The following CELA3B variants were observed in gnomAD, a reference collection of about 807,000 sequenced individuals.
The protein encoded by CELA3B is chymotrypsin like elastase 3B, also known as chymotrypsin-like elastase family member 3B.
CELA3B carries 34 observed loss-of-function variants against 37.2 expected under a neutral mutation model. The ratio of observed to expected loss-of-function variants is 0.91; its 90% CI spans 0.70 to 1.22. The LOEUF is 1.22. Ranked by LOEUF, CELA3B falls within the 50% of genes most tolerant of loss-of-function variation. CELA3B has a pLI of 0.00. For synonymous variants in CELA3B, 127 were observed against 143.5 expected (o/e 0.89, Z 0.82); for missense variants, 340 against 363.1 (o/e 0.94, Z 0.52).
At chr1:21,997,078 C>T (rs1644893512) in intron 4 of CELA3B, among the ~76,000 whole-genome samples, 3 of 151,148 alleles carry the variant, frequency 2.0e-5, no homozygotes, top group South Asian at 2.1e-4. Flanking sequence ...GTTAAAGTCC[C>T]GCCGGGCGTG....
At chr1:21,983,584 G>A (rs1557865603) in intron 4 of CELA3B, 110 bp from the exon 5 acceptor site, 4 of 1,473,424 alleles carry the variant, frequency 2.7e-6, no homozygotes, top group South Asian at 2.6e-5. Flanking sequence ...GGATTTGGAG[G>A]GTGAAGGAGC....
intron 7 of CELA3B, among the ~76,000 whole-genome samples, chr1:21,988,641 C>T (rs1644853989): frequency 6.8e-6 from 1 of 147,990 alleles, no homozygotes; most frequent in Non-Finnish European, 1.5e-5. Flanking sequence ...CCTGTAATCC[C>T]ACCACTTTGG....
chr1:21,981,152 C>T lies in CELA3B; in HGVS notation c.342C>T (p.Asn114=), dbSNP rs933056167. 6 of 1,612,156 alleles carry T rather than the reference C, an allele frequency of 3.7e-6. No homozygotes were observed. The highest frequency in any genetic ancestry group is 4.3e-4 in the Middle Eastern group (2 of 4,604). The change falls in exon 4 of 8, where the codon AAC becomes AAT. Residue 114 remains asparagine (N), a synonymous_variant. Transcript: ENST00000337107. ...ACCTCTTTGTGCATCCACTCTGGAA[C>T]CGCTCGTGTGTGGCCTGTGGGTGAG... ...SGDLFVHPLW[N]RSCVACGNDI...
Position 21,984,105 on chromosome 1 carries a change from CTG to C in CELA3B, c.500-81_500-80del, listed in dbSNP as rs1199333623. 2.0e-6 allele frequency: 3 copies of C among 1,500,610 alleles called. No homozygotes were observed. In the African/African-American group the frequency reaches 4.1e-5, roughly 21 times the overall value. The allele number at this position is 1,500,610 out of a possible 1,614,324, so 93.0% of individuals were successfully genotyped here. On this transcript the variant is annotated intron_variant, in intron 5 of 7. Transcript: ENST00000337107. Reference sequence around the variant, plus strand: ...GAGAGTCCTCATCAGAGCAGAAGAACTGTGCGCCTTGGATGCCCCCTTCCTCT... The same window carrying C: ...GAGAGTCCTCATCAGAGCAGAAGAACTGCGCCTTGGATGCCCCCTTCCTCT...
At position 21,983,790 on chromosome 1, in the gene CELA3B, C is replaced by G; in HGVS notation, c.459C>G (p.Asn153Lys). 1 of 1,614,144 alleles carries G rather than the reference C, an allele frequency of 6.2e-7. No homozygotes were observed. Among genetic ancestry groups the G allele is most frequent in the East Asian group, 2.2e-5 (1 of 44,880 alleles). Residue 153 changes from asparagine to lysine, a missense_variant, in exon 5 of 8, where the codon AAC (asparagine) becomes AAG (lysine). Physicochemically the swap from Asn to Lys is moderately conservative, Grantham distance 94 (BLOSUM62 0). Transcript: ENST00000337107. ...CTCCGGCTGGTGACATCCTTCCCAA[C>G]GAGACACCCTGCTACATCACCGGCT... The part of the protein sequence containing the change: ...SLPPAGDILP[N>K]ETPCYITGWG...
At chr1:21,979,734 G>A (rs1172454337) in intron 2 of CELA3B, among the ~76,000 whole-genome samples, 12 of 151,260 alleles carry the variant, frequency 7.9e-5, no homozygotes, top group Non-Finnish European at 1.0e-4. Context: ...GATTATAGGC[G>A]TGAGCCACCA....
intron 5 of CELA3B, 110 bp downstream of exon 5, chr1:21,983,940 T>C: frequency 7.3e-7 from 1 of 1,378,624 alleles, no homozygotes; most frequent in Non-Finnish European, 9.9e-7. Flanking sequence ...TTTCTCCCAT[T>C]TCTCTCCAGC....
At chr1:21,989,505 G>A (rs1407054231), downstream of CELA3B, among the ~76,000 whole-genome samples, 8 of 142,084 alleles carry the variant, frequency 5.6e-5, no homozygotes, top group African/African-American at 1.4e-4. Flanking sequence ...GTTGCTGTGC[G>A]GTGACCTGAC....
intron 1 of CELA3B, chr1:21,978,015 T>C (rs1201091709): frequency 3.0e-6 from 1 of 337,678 alleles, no homozygotes; most frequent in Non-Finnish European, 5.7e-6. Context: ...AGCCCAGAGC[T>C]GCACTTTGAA....
intron 7 of CELA3B, among the ~76,000 whole-genome samples, chr1:21,988,933 A>C (rs1644856398): frequency 2.3e-5 from 1 of 44,160 alleles, no homozygotes; most frequent in Non-Finnish European, 3.5e-5. Context: ...GTTTATATAC[A>C]TACATACATA....
intron 3 of CELA3B, 37 bp from the exon 4 acceptor site, chr1:21,981,001 C>A: frequency 6.2e-7 from 1 of 1,614,074 alleles, no homozygotes; most frequent in Non-Finnish European, 8.5e-7. Flanking sequence ...AGGGAGGTAG[C>A]CAGTCAGGCC....
intron 7 of CELA3B, chr1:21,987,812 A>T (rs1454075464): frequency 6.6e-6 from 1 of 151,184 alleles, no homozygotes; most frequent in African/African-American, 2.5e-5. Flanking sequence ...AAAATAAAAC[A>T]GTAGTGCTTG....
In CELA3B at chr1:21,980,867, G is replaced by A; in HGVS notation, c.173G>A (p.Cys58Tyr). Residue 58 changes from cysteine to tyrosine, a missense_variant, in exon 3 of 8, where the codon TGT (cysteine) becomes TAT (tyrosine). By Grantham distance (194) the Cys-to-Tyr change is radical (BLOSUM62 -2). Transcript: ENST00000337107. ...AAAAGCGGAAGCTTCTACCACACCT[G>A]TGGCGGTAGCCTCATCGCCCCCGAC... ...YEKSGSFYHT[C>Y]GGSLIAPDWV... 1 of 1,610,734 alleles carries A rather than the reference G, an allele frequency of 6.2e-7. No homozygotes were observed. Among genetic ancestry groups the A allele is most frequent in the Non-Finnish European group, 8.5e-7 (1 of 1,178,352 alleles).
intron 7 of CELA3B, chr1:21,987,617 G>A (rs1167968396): frequency 6.6e-6 from 1 of 151,452 alleles, no homozygotes; most frequent in African/African-American, 2.5e-5. Context: ...TCCATGTGGT[G>A]ACCTCCTGGG....
At chr1:21,978,705 C>T (rs1644786215) in intron 2 of CELA3B, among the ~76,000 whole-genome samples, 1 of 152,110 alleles carries the variant, frequency 6.6e-6, no homozygotes, top group Non-Finnish European at 1.5e-5. Flanking sequence ...GGAGTTGGCA[C>T]ACTGATGGTG....
chr1:21,989,057 C>T (rs928180440), intron 7 of CELA3B, among the ~76,000 whole-genome samples: 6 of 151,830 alleles, frequency 4.0e-5, no homozygotes, highest in Non-Finnish European at 5.9e-5. Context: ...TAGAGAGAAC[C>T]TTAGTTAACA....
Position 21,984,168 on chromosome 1 carries a change from CGG to C in CELA3B, c.500-20_500-19del. 6.2e-7 allele frequency: 1 copy of C among 1,609,144 alleles called. No individual in the cohort carries two copies. Reference sequence around the variant, plus strand: ...GCCCTGTGCCCCCAGACCCCTGACTCGGTGCTTTTTATCGCTGCAGCCAACGG... The same window carrying C: ...GCCCTGTGCCCCCAGACCCCTGACTCTGCTTTTTATCGCTGCAGCCAACGG... On this transcript the variant is annotated intron_variant, in intron 5 of 7. Coordinates refer to ENST00000337107, the MANE Select transcript of CELA3B (RefSeq NM_007352.4).
chr1:21,986,714 T>C (rs766559000), intron 7 of CELA3B, 31 bp downstream of exon 7: 34 of 1,597,226 alleles, frequency 2.1e-5, no homozygotes, highest in Non-Finnish European at 2.9e-5. Context: ...CGGAGGGCTT[T>C]AGGGTGGTGG....
chr1:21,991,638 G>T (rs1271530262), downstream of CELA3B, among the ~76,000 whole-genome samples: 2 of 150,854 alleles, frequency 1.3e-5, no homozygotes, highest in Admixed American at 1.3e-4. Flanking sequence ...GCCGGGCCAG[G>T]ATCTATAAAT....
Sources: gnomAD v4.1 joint callset for allele counts (sites outside exome capture counted in the v4.1 genomes callset) on GRCh38, gnomAD v4.1.1 for gene constraint, MANE v1.5 for transcripts, NCBI Gene and HGNC (gene_info 2026-07-23, HGNC 2026-07-21) for gene names.